Variants in CNIH3 observed in about 807,000 individuals in gnomAD.
The protein encoded by CNIH3 is protein cornichon homolog 3.
In CNIH3, 14 loss-of-function variants were observed where a neutral mutation model predicts 24.1. That is an observed-to-expected ratio of 0.58 (90% CI 0.38 to 0.91). CNIH3 has a LOEUF of 0.91. CNIH3 is among the 40% of genes least tolerant of loss of function. The probability of loss-of-function intolerance (pLI) is 0.00; values close to 1 mark genes in which losing one functional copy is unlikely to be tolerated. For synonymous variants in CNIH3, 68 were observed against 73.8 expected (o/e 0.92, Z 0.40); for missense variants, 178 against 196.8 (o/e 0.90, Z 0.57).
chr1:224,583,520 A>C (rs1322038949), intron 5 of CNIH3, among the ~76,000 whole-genome samples: 1 of 152,228 alleles, frequency 6.6e-6, no homozygotes, highest in Non-Finnish European at 1.5e-5. Context: ...TTTGGACATC[A>C]TCAAATAGAT....
At chr1:224,737,197 G>C (rs975255022) in intron 5 of CNIH3, among the ~76,000 whole-genome samples, 2 of 147,762 alleles carry the variant, frequency 1.4e-5, no homozygotes, top group African/African-American at 5.0e-5. Context: ...GAGGGAAGCG[G>C]CTGTGCGTGC....
chr1:224,653,079 T>C (rs1684935710), intron 1 of CNIH3, among the ~76,000 whole-genome samples: 1 of 152,256 alleles, frequency 6.6e-6, no homozygotes, highest in Non-Finnish European at 1.5e-5. Context: ...TTAATTATTC[T>C]ACATATTCCT....
chr1:224,517,519 G>A (rs1057101120), intron 1 of CNIH3, among the ~76,000 whole-genome samples: 2 of 152,118 alleles, frequency 1.3e-5, no homozygotes, highest in African/African-American at 4.8e-5. Context: ...AGCAGGTGGT[G>A]TTTGGTTACA....
chr1:224,672,307 T>G (rs10495224), intron 1 of CNIH3, among the ~76,000 whole-genome samples: 4 of 152,028 alleles, frequency 2.6e-5, no homozygotes, highest in Non-Finnish European at 5.9e-5. Context: ...TGCTAACATT[T>G]TCAGGTAGCA....
In CNIH3 at chr1:224,650,959, T is replaced by C. The variant is rs539857483; in HGVS notation, c.82-29999T>C. Among the ~76,000 whole-genome samples, 313 of 152,276 alleles carry C rather than the reference T, an allele frequency of 2.1e-3. 2 individuals are homozygous for C. The highest frequency in any genetic ancestry group is 3.4e-3 in the Non-Finnish European group (228 of 68,024). On this transcript the variant is annotated intron_variant, in intron 1 of 5. Transcript: ENST00000272133. Reference sequence around the variant, plus strand: ...GTGGACACTGGCTTGATGGGGTCTTTTGGAGCAAGTCCTCAGTTTTCTGTG... The same window carrying C: ...GTGGACACTGGCTTGATGGGGTCTTCTGGAGCAAGTCCTCAGTTTTCTGTG...
intron 3 of CNIH3, among the ~76,000 whole-genome samples, chr1:224,596,661 T>A (rs1424857005): frequency 6.6e-6 from 1 of 152,224 alleles, no homozygotes; most frequent in Non-Finnish European, 1.5e-5. Flanking sequence ...TATGTTTTTG[T>A]CTATGGTTCC....
chr1:224,520,543 CT>C (rs1678582708), intron 1 of CNIH3, among the ~76,000 whole-genome samples: 1 of 152,178 alleles, frequency 6.6e-6, no homozygotes, highest in Non-Finnish European at 1.5e-5. Flanking sequence ...ATGGAATTGC[CT>C]TTTTTGTAGA....
chr1:224,478,708 T>C (rs959973211), intron 1 of CNIH3, among the ~76,000 whole-genome samples: 2 of 152,200 alleles, frequency 1.3e-5, no homozygotes, highest in Non-Finnish European at 2.9e-5. Flanking sequence ...TGGATGTTCA[T>C]CAGTGTATTA....
chr1:224,630,617 G>A (rs1683771006), intron 1 of CNIH3, among the ~76,000 whole-genome samples: 3 of 152,188 alleles, frequency 2.0e-5, no homozygotes, highest in South Asian at 4.1e-4. Flanking sequence ...TGGGGTAAGG[G>A]TGGGAGGTGG....
chr1:224,455,655 T>C (rs1675619866), intron 1 of CNIH3, among the ~76,000 whole-genome samples: 7 of 152,184 alleles, frequency 4.6e-5, no homozygotes, highest in Admixed American at 4.6e-4. Context: ...AGTCTGACCC[T>C]ACTCAGGAAG....
chr1:224,537,184 C>G (rs1679320545), downstream of CNIH3: 3 of 152,208 alleles, frequency 2.0e-5, no homozygotes, highest in South Asian at 4.1e-4. Context: ...GCCTCAAGAT[C>G]TTTACCCTGA....
Position 224,458,670 on chromosome 1 carries a change from C to T in CNIH3, n.203+23808C>T, listed in dbSNP as rs987926974. 6.6e-6 allele frequency among the ~76,000 whole-genome samples: 1 copy of T among 152,178 alleles called. No homozygotes were observed. The highest frequency in any genetic ancestry group is 1.5e-5 in the Non-Finnish European group (1 of 68,032). On this transcript the variant is annotated intron_variant and non_coding_transcript_variant, in intron 1 of 5. Coordinates refer to the CNIH3 transcript ENST00000471578. The surrounding 1 kb of genome is among the most constrained non-coding windows in gnomAD (Gnocchi z 4.3). The stretch of plus-strand genomic sequence containing the variant: ...ACTCACTTTTATGAATTTGTTGAGA[C>T]CTTACCACTTTTCAAGTGTGTGTTC...
chr1:224,536,233 T>G (rs1021174736), intron 2 of CNIH3, among the ~76,000 whole-genome samples: 3 of 151,964 alleles, frequency 2.0e-5, no homozygotes, highest in Non-Finnish European at 4.4e-5. Flanking sequence ...ATTTGCATTT[T>G]GGTGGCATCC....
At chr1:224,654,498 A>T (rs1572665683) in intron 1 of CNIH3, among the ~76,000 whole-genome samples, 2 of 152,234 alleles carry the variant, frequency 1.3e-5, no homozygotes, top group African/African-American at 4.8e-5. Context: ...GCTGATATAC[A>T]GCTTTTTCTT....
Position 224,710,267 on chromosome 1 carries a change from A to G in CNIH3, c.199-20195A>G, listed in dbSNP as rs74664487. ...CACCACATCTCTTGTCTTTCTGTGGATTCTATTTCCCGAGTGCTTCGTGAA... is the reference window on the plus strand; with the variant it reads ...CACCACATCTCTTGTCTTTCTGTGGGTTCTATTTCCCGAGTGCTTCGTGAA... On this transcript the variant is annotated intron_variant, in intron 3 of 5. Coordinates refer to ENST00000272133, the MANE Select transcript of CNIH3 (RefSeq NM_152495.2). Among the ~76,000 whole-genome samples the G allele has an allele frequency of 2.2e-3, 341 of 152,304 alleles. 8 individuals are homozygous for G. The East Asian group carries it at 0.049, about 22-fold the overall frequency.
In CNIH3 at chr1:224,704,415, C is replaced by T. The variant is rs988287873; in HGVS notation, c.198+19572C>T. On this transcript the variant is annotated intron_variant, in intron 3 of 5. Coordinates refer to ENST00000272133, the MANE Select transcript of CNIH3 (RefSeq NM_152495.2). This position sits in a 1 kb window ranked among gnomAD's most constrained non-coding sequence, Gnocchi z 4.2. ...CGAATCCCCTGGGGAGCTTTTAAAA[C>T]CCAGGGATCCAGAGGCAGGGAGCCA... Among the ~76,000 whole-genome samples, 2 of 152,142 alleles carry T rather than the reference C, an allele frequency of 1.3e-5. No individual in the cohort carries two copies. Among genetic ancestry groups the T allele is most frequent in the African/African-American group, 4.8e-5 (2 of 41,424 alleles).
chr1:224,525,164 T>A (rs561791589), intron 2 of CNIH3, among the ~76,000 whole-genome samples: 1 of 152,214 alleles, frequency 6.6e-6, no homozygotes, highest in South Asian at 2.1e-4. Context: ...TTGCTTGAGA[T>A]CACATGAGTT....
chr1:224,657,821 A>G (rs1196830638), intron 1 of CNIH3, among the ~76,000 whole-genome samples: 1 of 152,216 alleles, frequency 6.6e-6, no homozygotes, highest in African/African-American at 2.4e-5. Context: ...GAAGAATCAA[A>G]GTAAAACAAT....
chr1:224,486,955 A>G (rs936894833), intron 1 of CNIH3, among the ~76,000 whole-genome samples: 7 of 152,264 alleles, frequency 4.6e-5, no homozygotes, highest in Admixed American at 4.6e-4. Flanking sequence ...CGGATGGACT[A>G]AAACACTGAC....
Sources: gnomAD v4.1 joint callset for allele counts (sites outside exome capture counted in the v4.1 genomes callset) on GRCh38, gnomAD v4.1.1 for gene constraint, Gnocchi (gnomAD v3.1) non-coding constraint, MANE v1.5 for transcripts, NCBI Gene and HGNC (gene_info 2026-07-23, HGNC 2026-07-21) for gene names.